The following TTLL2 variants were observed in gnomAD, a reference collection of about 807,000 sequenced individuals.
TTLL2 encodes the protein tubulin tyrosine ligase like 2, also known as probable tubulin polyglutamylase TTLL2.
TTLL2 carries 10 observed loss-of-function variants against 7.5 expected under a neutral mutation model. That is an observed-to-expected ratio of 1.33 (90% CI 0.82 to 2.25). The LOEUF (loss-of-function observed/expected upper bound fraction) is 2.25, where lower values mean the gene tolerates loss of function less well. Among genes scored for constraint, TTLL2 ranks in the 30% most tolerant of loss-of-function variants. The pLI is 0.00. For synonymous variants in TTLL2, 284 were observed against 280.3 expected, an observed-to-expected ratio of 1.01 and a Z score of -0.13; for missense variants, 733 against 735.7, an observed-to-expected ratio of 1.00 and a Z score of 0.04.
chr6:167,328,992 G>A (rs1366275610), intron 1 of TTLL2, among the ~76,000 whole-genome samples: 1 of 152,102 alleles, frequency 6.6e-6, no homozygotes, highest in Non-Finnish European at 1.5e-5. Flanking sequence ...TCTATGTGGA[G>A]GTCTGACTGC....
chr6:167,338,517 C>A, intron 1 of TTLL2, 130 bp from the exon 2 acceptor site: 1 of 1,230,050 alleles, frequency 8.1e-7, no homozygotes, highest in South Asian at 1.8e-5. Flanking sequence ...AATTTGAAAG[C>A]ATTACTGCAA....
chr6:167,336,189 G>A (rs2115219342), intron 1 of TTLL2, among the ~76,000 whole-genome samples: 1 of 151,996 alleles, frequency 6.6e-6, no homozygotes, highest in East Asian at 1.9e-4. Flanking sequence ...AGGATCATGG[G>A]GGTTCTGCTT....
chr6:167,326,703 C>T (rs1048981047), intron 1 of TTLL2, among the ~76,000 whole-genome samples: 4 of 152,190 alleles, frequency 2.6e-5, no homozygotes, highest in African/African-American at 9.7e-5. Flanking sequence ...TGTAAACTTT[C>T]TTAAAACATC....
At chr6:167,339,581 T>C (rs60754002) in intron 2 of TTLL2, among the ~76,000 whole-genome samples, 3,223 of 152,270 alleles carry the variant, frequency 0.021, 128 homozygotes, top group African/African-American at 0.074. Flanking sequence ...GTGGGCCTGA[T>C]GGGTCAGGTG....
chr6:167,325,754 A>G lies in TTLL2; in HGVS notation c.47+534A>G, dbSNP rs1181714881. 2.0e-5 allele frequency among the ~76,000 whole-genome samples: 3 copies of G among 152,210 alleles called. No homozygotes were observed. In the East Asian group the frequency reaches 5.8e-4, roughly 29 times the overall value. On this transcript the variant is annotated intron_variant, in intron 1 of 2. Coordinates refer to ENST00000239587, the MANE Select transcript of TTLL2 (RefSeq NM_031949.5). ...AGTGGTATGGACCCCACGGGGGAAA[A>G]GAAAATCCCCCCAGTGTAGAAAGGA...
chr6:167,329,872 G>A (rs1483968101), intron 1 of TTLL2, among the ~76,000 whole-genome samples: 1 of 152,116 alleles, frequency 6.6e-6, no homozygotes, highest in African/African-American at 2.4e-5. Context: ...CACATCTGAT[G>A]TATTATAGGC....
In TTLL2 at chr6:167,340,131, T is replaced by G; in HGVS notation, c.231T>G (p.Asp77Glu). Residue 77 changes from aspartate to glutamate, a missense_variant, in exon 3 of 3, where the codon GAT becomes GAG. Transcript: ENST00000239587. ...AAAAACCTCATTTGATGGCGGAAGA[T>G]GAACCTTCAGGGGCCCTCTTGAAGC... ...KKKKPHLMAE[D>E]EPSGALLKPL... is the part of the protein sequence containing the mutation. The G allele has an allele frequency of 6.3e-7, 1 of 1,587,820 alleles. No homozygotes were observed. Among genetic ancestry groups the G allele is most frequent in the Non-Finnish European group, 8.6e-7 (1 of 1,168,804 alleles).
chr6:167,331,232 A>T (rs1035317041), intron 1 of TTLL2, among the ~76,000 whole-genome samples: 9 of 152,208 alleles, frequency 5.9e-5, no homozygotes, highest in Non-Finnish European at 1.2e-4. Flanking sequence ...ATTGTCTCAA[A>T]TATTTATCAT....
At chr6:167,327,455 T>G (rs1409473300) in intron 1 of TTLL2, among the ~76,000 whole-genome samples, 2 of 152,226 alleles carry the variant, frequency 1.3e-5, no homozygotes, top group African/African-American at 2.4e-5. Flanking sequence ...GAGGCAGGTT[T>G]GCCTGATGCA....
rs1204661981 is a variant in TTLL2 at position 167,342,436 on chromosome 6, A to AGGC, written c.*758_*760dup. 6.6e-6 allele frequency among the ~76,000 whole-genome samples: 1 copy of AGGC among 152,246 alleles called. No individual in the cohort carries two copies. Among genetic ancestry groups the AGGC allele is most frequent in the Non-Finnish European group, 1.5e-5 (1 of 68,042 alleles). ...TCTAGTGAAAGTAGTCAGATACAAAAGGCCACATGTTGTATGACTCCGTTG... is the reference window on the plus strand; with the variant it reads ...TCTAGTGAAAGTAGTCAGATACAAAAGGCGGCCACATGTTGTATGACTCCGTTG... On this transcript the variant is annotated 3_prime_UTR_variant, in exon 3 of 3. Coordinates refer to ENST00000239587, the MANE Select transcript of TTLL2 (RefSeq NM_031949.5).
At chr6:167,329,157 C>G (rs1314377468) in intron 1 of TTLL2, among the ~76,000 whole-genome samples, 1 of 152,134 alleles carries the variant, frequency 6.6e-6, no homozygotes, top group African/African-American at 2.4e-5. Flanking sequence ...TCCCACGGGC[C>G]GCACCTGAAA....
chr6:167,339,804 A>G (rs549932561), intron 2 of TTLL2, among the ~76,000 whole-genome samples: 2 of 152,356 alleles, frequency 1.3e-5, no homozygotes, highest in South Asian at 4.1e-4. Flanking sequence ...GCAGGGACTC[A>G]GCCCTCAAAA....
intron 1 of TTLL2, among the ~76,000 whole-genome samples, chr6:167,337,433 A>T (rs1180189257): frequency 1.3e-5 from 2 of 152,138 alleles, no homozygotes; most frequent in African/African-American, 4.8e-5. Context: ...CTGACCAGGC[A>T]CGGTGGAGCC....
rs746724673 is a variant in TTLL2 at position 167,340,895 on chromosome 6, G to T, written c.995G>T (p.Arg332Leu). ...WTLSRFFSYL[R>L]SWDVDDLLLW... ...CTCAGCAGATTTTTTTCCTACCTTCGTAGCTGGGATGTGGACGATCTGCTT... is the reference window on the plus strand; with the variant it reads ...CTCAGCAGATTTTTTTCCTACCTTCTTAGCTGGGATGTGGACGATCTGCTT... Residue 332 changes from arginine (R) to leucine (L), a missense_variant, in exon 3 of 3, where the codon CGT (arginine) becomes CTT (leucine). By Grantham distance (102) the Arg-to-Leu change is moderately radical (BLOSUM62 -2). Coordinates refer to ENST00000239587, the MANE Select transcript of TTLL2 (RefSeq NM_031949.5). 1 of 1,614,092 alleles carries T rather than the reference G, an allele frequency of 6.2e-7. No individual in the cohort carries two copies. Among genetic ancestry groups the T allele is most frequent in the Non-Finnish European group, 8.5e-7 (1 of 1,180,016 alleles).
In TTLL2 at chr6:167,342,557, C is replaced by T. The variant is rs1020785206; in HGVS notation, c.*878C>T. ...GCCTACTGATGGGTAGGGGGCTTCC[C>T]TTTGGGGTGACAGAAATGTTCTGGA... On this transcript the variant is annotated 3_prime_UTR_variant, in exon 3 of 3. Coordinates refer to ENST00000239587, the MANE Select transcript of TTLL2 (RefSeq NM_031949.5). Among the ~76,000 whole-genome samples the T allele has an allele frequency of 1.3e-5, 2 of 152,088 alleles. No individual in the cohort carries two copies. Among genetic ancestry groups the T allele is most frequent in the Admixed American group, 6.5e-5 (1 of 15,272 alleles).
At position 167,325,229 on chromosome 6, in the gene TTLL2, A is replaced by T; in HGVS notation, c.47+9A>T. ...CAAAGCCAGGCGCTGGGGTAAGCGT[A>T]GGAGGCGACACGTAGGATGGGAGGG... is the stretch of plus-strand genomic sequence containing the variant. On this transcript the variant is annotated intron_variant, in intron 1 of 2. Transcript: ENST00000239587. 6.4e-7 allele frequency: 1 copy of T among 1,560,180 alleles called. No homozygotes were observed. The highest frequency in any genetic ancestry group is 1.2e-5 in the South Asian group (1 of 84,502).
chr6:167,340,254 G>T lies in TTLL2; in HGVS notation c.354G>T (p.Ala118=), dbSNP rs376346265. The T allele has an allele frequency of 2.5e-6, 4 of 1,614,092 alleles. No homozygotes were observed. The highest frequency in any genetic ancestry group is 1.3e-5 in the African/African-American group (1 of 74,990). The change falls in exon 3 of 3, where the codon GCG becomes GCT. Residue 118 remains alanine (A), a synonymous_variant. Coordinates refer to ENST00000239587, the MANE Select transcript of TTLL2 (RefSeq NM_031949.5). The stretch of plus-strand genomic sequence containing the variant: ...AGTTTGATAAGCAGGAGCAGAACGC[G>T]GAGGACTGGAACCTGTACTGGAGGA... ...WNKFDKQEQN[A]EDWNLYWRTS... is the part of the protein sequence containing the mutation.
In TTLL2 at chr6:167,325,295, C is replaced by T. The variant is rs187142664; in HGVS notation, c.47+75C>T. The T allele has an allele frequency of 6.7e-5, 95 of 1,409,574 alleles. 1 individual carries two copies. In the Middle Eastern group the frequency reaches 1.2e-3, roughly 18 times the overall value. 87.3% of individuals were successfully genotyped at this position (1,409,574 alleles called of 1,614,324 possible). On this transcript the variant is annotated intron_variant, in intron 1 of 2. Coordinates refer to ENST00000239587, the MANE Select transcript of TTLL2 (RefSeq NM_031949.5). ...CTCTGTTCCAGGACCAGCCCCTTCC[C>T]GAGAGCACAGGGGCCAGGGTCACTA...
chr6:167,341,075 C>T lies in TTLL2; in HGVS notation c.1175C>T (p.Ala392Val), dbSNP rs373611883. The T allele has an allele frequency of 6.8e-6, 11 of 1,613,764 alleles. No individual in the cohort carries two copies. In the African/African-American group the frequency reaches 1.1e-4, roughly 16 times the overall value. ...CTTTTAGAGGTCAACTACAGCCCAG[C>T]CTTGACCTTGGATTGTTCAACAGAT... The part of the protein sequence containing the change: ...PWLLEVNYSP[A>V]LTLDCSTDVL... The change falls in exon 3 of 3, where the codon GCC (alanine) becomes GTC (valine). Residue 392 changes from alanine (A) to valine (V), a missense_variant. Transcript: ENST00000239587.
Sources: gnomAD v4.1 joint callset for allele counts (sites outside exome capture counted in the v4.1 genomes callset) on GRCh38, gnomAD v4.1.1 for gene constraint, MANE v1.5 for transcripts, NCBI Gene and HGNC (gene_info 2026-07-23, HGNC 2026-07-21) for gene names.